Variants in DMAP1 observed in about 807,000 individuals in gnomAD.
The protein encoded by DMAP1 is DNA methyltransferase 1-associated protein 1.
DMAP1 carries 26 observed loss-of-function variants against 52.7 expected under a neutral mutation model. The observed-to-expected ratio is 0.49, with a 90% CI of 0.36 to 0.68. The LOEUF is 0.68. DMAP1 is among the 30% of genes least tolerant of loss of function. The probability of loss-of-function intolerance (pLI) is 0.00; values close to 1 mark genes in which losing one functional copy is unlikely to be tolerated. For missense variants in DMAP1, 439 were observed against 625.2 expected, an observed-to-expected ratio of 0.70 and a Z score of 3.18; for synonymous variants, 231 against 246.0, an observed-to-expected ratio of 0.94 and a Z score of 0.57.
intron 3 of DMAP1, chr1:44,216,723 G>C (rs966477136): frequency 1.3e-5 from 2 of 152,224 alleles, no homozygotes; most frequent in Admixed American, 1.3e-4. Flanking sequence ...AGGTCAAGGG[G>C]GAAGTCTGCT....
chr1:44,215,774 C>T (rs1643779510), intron 3 of DMAP1: 2 of 175,402 alleles, frequency 1.1e-5, no homozygotes, highest in Non-Finnish European at 1.2e-5. Context: ...CTATGCCAGC[C>T]CCCTAGTCCA....
intron 2 of DMAP1, 69 bp downstream of exon 2, chr1:44,214,510 G>C (rs1643747981): frequency 1.2e-6 from 2 of 1,613,358 alleles, no homozygotes; most frequent in African/African-American, 2.7e-5. Flanking sequence ...CTAACTCCTA[G>C]TTTTCTCTAA....
chr1:44,216,982 T>TG (rs1270432838), intron 3 of DMAP1: 4 of 152,178 alleles, frequency 2.6e-5, no homozygotes, highest in Admixed American at 1.3e-4. Context: ...AAGGGATAGT[T>TG]GGGGGTAATG....
In DMAP1 at chr1:44,213,903, G is replaced by T. The variant is rs1643733520; in HGVS notation, c.105+45G>T. ...GCGTTGACTAGGGGAGGGTAGGGGAGTGAAGATGGGGAGGAGTGACAACGG... is the reference window on the plus strand; with the variant it reads ...GCGTTGACTAGGGGAGGGTAGGGGATTGAAGATGGGGAGGAGTGACAACGG... On this transcript the variant is annotated intron_variant, in intron 1 of 9. Coordinates refer to ENST00000372289, the MANE Select transcript of DMAP1 (RefSeq NM_019100.5). The surrounding 1 kb of genome is among the most constrained non-coding windows in gnomAD (Gnocchi z 4.5). 1 of 1,533,222 alleles carries T rather than the reference G, an allele frequency of 6.5e-7. No individual in the cohort carries two copies. Among genetic ancestry groups the T allele is most frequent in the South Asian group, 1.2e-5 (1 of 83,694 alleles). The allele number at this position is 1,533,222 out of a possible 1,614,324, so 95.0% of individuals were successfully genotyped here. A position where few individuals can be genotyped will look rare whatever the true frequency, so the allele number is the denominator to read the frequency against.
chr1:44,218,140 C>T lies in DMAP1; in HGVS notation c.394-171C>T. The T allele has an allele frequency of 4.7e-6, 4 of 857,434 alleles. No homozygotes were observed. The highest frequency in any genetic ancestry group is 7.8e-6 in the Non-Finnish European group (4 of 513,864). The allele number at this position is 857,434 out of a possible 1,614,324, so 53.1% of individuals were successfully genotyped here. A position where few individuals can be genotyped will look rare whatever the true frequency, so the allele number is the denominator to read the frequency against. ...ATCAGAGGCAGGCTACAGTCCCAAA[C>T]CCTGCTAGGACCTCTAGTCAAGCAG... On this transcript the variant is annotated intron_variant, in intron 3 of 9. Transcript: ENST00000372289. The surrounding 1 kb of genome is among the most constrained non-coding windows in gnomAD (Gnocchi z 5.6).
chr1:44,219,212 C>T lies in DMAP1; in HGVS notation c.877C>T (p.Leu293=), dbSNP rs750732337. 21 of 1,613,572 alleles carry T rather than the reference C, an allele frequency of 1.3e-5. No individual in the cohort carries two copies. The highest frequency in any genetic ancestry group is 1.8e-5 in the Non-Finnish European group (21 of 1,179,892). The change falls in exon 6 of 10, where the codon CTA becomes TTA. Residue 293 remains leucine, a synonymous_variant. Transcript: ENST00000372289. ...GGAACGCAAGGCCCCCAAAAAGAAG[C>T]TACCCCAGAAAAAGGAGGCTGAGAA... ...RTERKAPKKK[L]PQKKEAEKPA... is the part of the protein sequence containing the mutation.
At chr1:44,214,255 C>G in intron 1 of DMAP1, 95 bp from the exon 2 acceptor site, 2 of 1,168,874 alleles carry the variant, frequency 1.7e-6, no homozygotes, top group Non-Finnish European at 2.5e-6. Context: ...GTCATTGACC[C>G]TGTAGGTGCT....
intron 3 of DMAP1, chr1:44,216,385 A>C (rs933681169): frequency 6.6e-6 from 1 of 151,858 alleles, no homozygotes; most frequent in South Asian, 2.1e-4. Context: ...ATGCACCAAC[A>C]TGCCTGGCTA....
In DMAP1 at chr1:44,220,069, A is replaced by G; in HGVS notation, c.1104A>G (p.Arg368=). Residue 368 remains arginine, a synonymous_variant, in exon 9 of 10, where the codon CGA becomes CGG. Coordinates refer to ENST00000372289, the MANE Select transcript of DMAP1 (RefSeq NM_019100.5). The stretch of plus-strand genomic sequence containing the variant: ...TGGTGCACATGTTCAATGAGCTGCG[A>G]AGCGACCTGGTGCTGCTCTACGAGC... ...EELVHMFNEL[R]SDLVLLYELK... is the part of the protein sequence containing the mutation. 2 of 1,608,042 alleles carry G rather than the reference A, an allele frequency of 1.2e-6. No homozygotes were observed. Among genetic ancestry groups the G allele is most frequent in the Middle Eastern group, 1.7e-4 (1 of 6,040 alleles).
Position 44,218,574 on chromosome 1 carries a change from G to A in DMAP1, c.553-14G>A, listed in dbSNP as rs372465567. 3.1e-6 allele frequency: 5 copies of A among 1,609,076 alleles called. No homozygotes were observed. Among genetic ancestry groups the A allele is most frequent in the Non-Finnish European group, 4.3e-6 (5 of 1,176,020 alleles). On this transcript the variant is annotated splice_polypyrimidine_tract_variant and intron_variant, in intron 4 of 9. Coordinates refer to ENST00000372289, the MANE Select transcript of DMAP1 (RefSeq NM_019100.5). This position sits in a 1 kb window ranked among gnomAD's most constrained non-coding sequence, Gnocchi z 5.6. The stretch of plus-strand genomic sequence containing the variant: ...CCCTGAATGTTCATTCCTCTACCCT[G>A]TCTTGCTCCTCAGAAGCGTTCTGTG...
chr1:44,219,096 T>G lies in DMAP1; in HGVS notation c.761T>G (p.Ile254Ser). 6.2e-7 allele frequency: 1 copy of G among 1,614,136 alleles called. No individual in the cohort carries two copies. Among genetic ancestry groups the G allele is most frequent in the Non-Finnish European group, 8.5e-7 (1 of 1,180,034 alleles). The change falls in exon 6 of 10, where the codon ATT becomes AGT. Residue 254 changes from isoleucine to serine, a missense_variant. Ile to Ser is a moderately radical substitution (Grantham distance 142). This residue lies in a region of DMAP1 where 142 missense variants were observed against 149.5 expected (regional missense o/e 0.95). Coordinates refer to ENST00000372289, the MANE Select transcript of DMAP1 (RefSeq NM_019100.5). Reference sequence around the variant, plus strand: ...TACCTGCTACAGGAGCTGCGCAAGATTGAGGCCCGGAAGAAGGAGCGGGAG... The same window carrying G: ...TACCTGCTACAGGAGCTGCGCAAGAGTGAGGCCCGGAAGAAGGAGCGGGAG... ...EEYLLQELRKIEARKKEREKR... is the reference protein window; with the variant it reads ...EEYLLQELRKSEARKKEREKR...
rs1309289388 is a variant in DMAP1 at position 44,213,995 on chromosome 1, A to G, written c.105+137A>G. The G allele has an allele frequency of 1.2e-6, 1 of 810,560 alleles. No individual in the cohort carries two copies. Among genetic ancestry groups the G allele is most frequent in the African/African-American group, 1.7e-5 (1 of 58,364 alleles). 50.2% of individuals were successfully genotyped at this position (810,560 alleles called of 1,614,324 possible). ...AAGGGGTGACATAACAGGACAGGGA[A>G]TATGTGTCATCCTTGATGGGAGGGA... On this transcript the variant is annotated intron_variant, in intron 1 of 9. Coordinates refer to ENST00000372289, the MANE Select transcript of DMAP1 (RefSeq NM_019100.5). The surrounding 1 kb of genome is among the most constrained non-coding windows in gnomAD (Gnocchi z 4.5).
At chr1:44,219,961 T>C (rs1456542180) in intron 8 of DMAP1, 56 bp from the exon 9 acceptor site, 1 of 1,607,180 alleles carries the variant, frequency 6.2e-7, no homozygotes, top group Admixed American at 1.7e-5. Flanking sequence ...GAGTTCACAT[T>C]GCTGGCCCTC....
In DMAP1 at chr1:44,220,443, G is replaced by A. The variant is rs1181093279; in HGVS notation, c.1345-116G>A. The A allele has an allele frequency of 3.8e-6, 6 of 1,586,666 alleles. No individual in the cohort carries two copies. In the South Asian group the frequency reaches 4.6e-5, roughly 12 times the overall value. The stretch of plus-strand genomic sequence containing the variant: ...ACTTCTGTGCGAGTCTGAGACTGAG[G>A]GTAGGAGTGGGTTGACCAGTGGGCG... On this transcript the variant is annotated intron_variant, in intron 9 of 9. Transcript: ENST00000372289.
In DMAP1 at chr1:44,218,253, G is replaced by A; in HGVS notation, c.394-58G>A. ...GCAGCTGTGGTCACTGGGGCCTGGA[G>A]CCTGCTGGACATGACATCATGCGGG... On this transcript the variant is annotated intron_variant, in intron 3 of 9. Coordinates refer to ENST00000372289, the MANE Select transcript of DMAP1 (RefSeq NM_019100.5). This position sits in a 1 kb window ranked among gnomAD's most constrained non-coding sequence, Gnocchi z 5.6. The A allele has an allele frequency of 6.2e-7, 1 of 1,612,638 alleles. No individual in the cohort carries two copies. Among genetic ancestry groups the A allele is most frequent in the Non-Finnish European group, 8.5e-7 (1 of 1,178,660 alleles).
rs532299749 is a variant in DMAP1 at position 44,213,909 on chromosome 1, A to G, written c.105+51A>G. 2 of 1,523,850 alleles carry G rather than the reference A, an allele frequency of 1.3e-6. No individual in the cohort carries two copies. The highest frequency in any genetic ancestry group is 4.9e-5 in the East Asian group (2 of 40,830). The allele number at this position is 1,523,850 out of a possible 1,614,324, so 94.4% of individuals were successfully genotyped here. The stretch of plus-strand genomic sequence containing the variant: ...ACTAGGGGAGGGTAGGGGAGTGAAG[A>G]TGGGGAGGAGTGACAACGGGCAAGG... On this transcript the variant is annotated intron_variant, in intron 1 of 9. Coordinates refer to ENST00000372289, the MANE Select transcript of DMAP1 (RefSeq NM_019100.5). The surrounding 1 kb of genome is among the most constrained non-coding windows in gnomAD (Gnocchi z 4.5).
At chr1:44,215,556 A>G in intron 3 of DMAP1, 1 of 331,408 alleles carries the variant, frequency 3.0e-6, no homozygotes. Flanking sequence ...TTCAAATAAG[A>G]GCCGTCAGTA....
At chr1:44,217,007 C>T (rs1408893570) in intron 3 of DMAP1, 1 of 152,152 alleles carries the variant, frequency 6.6e-6, no homozygotes, top group African/African-American at 2.4e-5. Context: ...GATATATATT[C>T]TAGAACACTA....
chr1:44,218,991 C>T lies in DMAP1; in HGVS notation c.721-65C>T. The T allele has an allele frequency of 6.3e-7, 1 of 1,581,836 alleles. No homozygotes were observed. The highest frequency in any genetic ancestry group is 8.6e-7 in the Non-Finnish European group (1 of 1,159,790). Reference sequence around the variant, plus strand: ...CCTCACAGACAGCCCAGCACCCTGTCACCTCCGTGTCTACCCTCACTCCTA... The same window carrying T: ...CCTCACAGACAGCCCAGCACCCTGTTACCTCCGTGTCTACCCTCACTCCTA... On this transcript the variant is annotated intron_variant, in intron 5 of 9. Transcript: ENST00000372289. This position sits in a 1 kb window ranked among gnomAD's most constrained non-coding sequence, Gnocchi z 5.6.
Sources: allele counts gnomAD v4.1 joint callset, GRCh38; gene constraint gnomAD v4.1.1; regional missense constraint gnomAD v4.1.1; non-coding constraint Gnocchi (gnomAD v3.1); transcripts MANE v1.5; gene names NCBI Gene and HGNC (gene_info 2026-07-23, HGNC 2026-07-21).